Variants in ZFAND6 observed in about 807,000 individuals in gnomAD.
The protein encoded by ZFAND6 is AN1-type zinc finger protein 6.
Under a neutral mutation model 24.5 loss-of-function variants are expected in ZFAND6, and 12 were observed. The observed-to-expected ratio is 0.49, with a 90% confidence interval of 0.31 to 0.79. ZFAND6 has a LOEUF of 0.79. Ranked by LOEUF, ZFAND6 falls within the 30% of genes least tolerant of loss-of-function variation. The pLI is 0.04. For missense variants in ZFAND6, 207 were observed against 245.9 expected, an observed-to-expected ratio of 0.84 and a Z score of 1.06; for synonymous variants, 92 against 81.5, an observed-to-expected ratio of 1.13 and a Z score of -0.69.
chr15:80,070,100 A>G lies in ZFAND6; in HGVS notation c.-181+10291A>G, dbSNP rs141146094. Among the ~76,000 whole-genome samples, 98 of 152,300 alleles carry G rather than the reference A, an allele frequency of 6.4e-4. 2 individuals carry two copies. Among genetic ancestry groups the G allele is most frequent in the African/African-American group, 2.1e-3 (87 of 41,562 alleles). On this transcript the variant is annotated intron_variant, in intron 1 of 6. Transcript: ENST00000261749. ...AGTTTGAACTATATGGAATCCTTCA[A>G]AATTCTAAGAAAGTGTTTGCCCTGT...
intron 2 of ZFAND6, among the ~76,000 whole-genome samples, chr15:80,103,401 T>C (rs2039139068): frequency 6.6e-6 from 1 of 152,274 alleles, no homozygotes; most frequent in South Asian, 2.1e-4. Flanking sequence ...TTGGAGAATT[T>C]GGTGGGATTA....
intron 2 of ZFAND6, among the ~76,000 whole-genome samples, chr15:80,109,002 A>G (rs1027167093): frequency 2.1e-4 from 32 of 152,190 alleles, no homozygotes; most frequent in African/African-American, 6.3e-4. Flanking sequence ...TGCTGGGATT[A>G]CAGGTGTGAG....
At chr15:80,107,908 C>G (rs2039420810) in intron 2 of ZFAND6, among the ~76,000 whole-genome samples, 1 of 151,968 alleles carries the variant, frequency 6.6e-6, no homozygotes, top group Non-Finnish European at 1.5e-5. Context: ...CTGAAAGGAT[C>G]TCAAGAATCC....
chr15:80,062,060 C>G (rs2036364805), intron 1 of ZFAND6, among the ~76,000 whole-genome samples: 1 of 152,096 alleles, frequency 6.6e-6, no homozygotes, highest in African/African-American at 2.4e-5. Flanking sequence ...TTGGTATCTC[C>G]TTTTCAATGC....
At chr15:80,091,360 A>T (rs1596241833) in intron 1 of ZFAND6, among the ~76,000 whole-genome samples, 1 of 151,786 alleles carries the variant, frequency 6.6e-6, no homozygotes, top group East Asian at 1.9e-4. Context: ...ATGTGATTAA[A>T]CTCCAAGCCA....
At chr15:80,061,188 T>C (rs1411606337) in intron 1 of ZFAND6, among the ~76,000 whole-genome samples, 1 of 152,188 alleles carries the variant, frequency 6.6e-6, no homozygotes, top group Non-Finnish European at 1.5e-5. Context: ...TTTTTACGTT[T>C]TAAAATGTGT....
chr15:80,126,490 T>A (rs990989608), intron 5 of ZFAND6, among the ~76,000 whole-genome samples: 3 of 152,240 alleles, frequency 2.0e-5, no homozygotes, highest in Non-Finnish European at 4.4e-5. Context: ...ACTCTTATTA[T>A]ATTTATGGGC....
In ZFAND6 at chr15:80,069,866, G is replaced by A. The variant is rs552879383; in HGVS notation, c.-181+10057G>A. Among the ~76,000 whole-genome samples, 14 of 152,030 alleles carry A rather than the reference G, an allele frequency of 9.2e-5. No homozygotes were observed. In the East Asian group the frequency reaches 1.2e-3, roughly 13 times the overall value. On this transcript the variant is annotated intron_variant, in intron 1 of 6. Coordinates refer to ENST00000261749, the MANE Select transcript of ZFAND6 (RefSeq NM_019006.4). ...TTGTGATCCACCTGCCTCTGCCTCC[G>A]AAAGTGCTGGGATTTACAGGCGTGA...
intron 2 of ZFAND6, among the ~76,000 whole-genome samples, chr15:80,101,242 CA>C (rs2039012490): frequency 6.6e-6 from 1 of 152,140 alleles, no homozygotes; most frequent in Non-Finnish European, 1.5e-5. Flanking sequence ...GCGGATGGAT[CA>C]CAAGGTCAGG....
chr15:80,077,061 T>C (rs1040141302), intron 1 of ZFAND6, among the ~76,000 whole-genome samples: 4 of 152,228 alleles, frequency 2.6e-5, no homozygotes, highest in African/African-American at 9.6e-5. Flanking sequence ...TTCATAGCTG[T>C]TGAATTCCTC....
At chr15:80,079,373 A>G (rs2141848442) in intron 1 of ZFAND6, among the ~76,000 whole-genome samples, 1 of 151,686 alleles carries the variant, frequency 6.6e-6, no homozygotes, top group African/African-American at 2.4e-5. Context: ...GGCACCCGCC[A>G]CCACGCTTGG....
chr15:80,108,587 G>A (rs1304633712), intron 2 of ZFAND6, among the ~76,000 whole-genome samples: 2 of 152,154 alleles, frequency 1.3e-5, no homozygotes, highest in African/African-American at 2.4e-5. Context: ...TTGAGAATAT[G>A]AAATTCACTG....
At chr15:80,068,027 TCTCGGCTCACTGCAAC>T (rs1567048428) in intron 1 of ZFAND6, among the ~76,000 whole-genome samples, 1 of 152,014 alleles carries the variant, frequency 6.6e-6, no homozygotes, top group East Asian at 1.9e-4. Context: ...AGTGGCACAA[TCTCGGCTCACTGCAAC>T]CTCTGCCTCC....
intron 2 of ZFAND6, among the ~76,000 whole-genome samples, chr15:80,105,288 A>AT (rs1218007954): frequency 6.6e-6 from 1 of 152,200 alleles, no homozygotes; most frequent in African/African-American, 2.4e-5. Flanking sequence ...CACACTTTTA[A>AT]TAAAAAACGG....
At chr15:80,109,362 T>A (rs2039494131) in intron 2 of ZFAND6, among the ~76,000 whole-genome samples, 1 of 152,056 alleles carries the variant, frequency 6.6e-6, no homozygotes, top group African/African-American at 2.4e-5. Flanking sequence ...GATAAGGACG[T>A]TGAAGAAAAA....
At chr15:80,117,317 G>T (rs1405668623) in intron 2 of ZFAND6, among the ~76,000 whole-genome samples, 1 of 152,208 alleles carries the variant, frequency 6.6e-6, no homozygotes, top group African/African-American at 2.4e-5. Flanking sequence ...CCGCCCCCTG[G>T]CTTCATGCCA....
chr15:80,071,367 G>C (rs945307108), intron 1 of ZFAND6, among the ~76,000 whole-genome samples: 2 of 152,026 alleles, frequency 1.3e-5, no homozygotes, highest in East Asian at 3.8e-4. Context: ...CTTTAATTTC[G>C]AGTTTATGAA....
chr15:80,066,207 G>C (rs1227316658), intron 1 of ZFAND6, among the ~76,000 whole-genome samples: 1 of 151,916 alleles, frequency 6.6e-6, no homozygotes. Context: ...AATAATAGAA[G>C]GTGCTAATTG....
rs1428685629 is a variant in ZFAND6, at chr15:80,079,979, G to T, written c.-180-18437G>T. Among the ~76,000 whole-genome samples, 12 of 150,552 alleles carry T rather than the reference G, an allele frequency of 8.0e-5. No homozygotes were observed. The South Asian group carries it at 2.5e-3, about 32-fold the overall frequency. On this transcript the variant is annotated intron_variant, in intron 1 of 6. Coordinates refer to ENST00000261749, the MANE Select transcript of ZFAND6 (RefSeq NM_019006.4). ...GCTTTGAGAAACAGAATACACAACC[G>T]TTTTTCTGTTTTTTTTCCCTTTCTT... is the stretch of plus-strand genomic sequence containing the variant.
Sources: allele counts gnomAD v4.1 joint callset (sites outside exome capture counted in the v4.1 genomes callset), GRCh38; gene constraint gnomAD v4.1.1; transcripts MANE v1.5; gene names NCBI Gene and HGNC (gene_info 2026-07-23, HGNC 2026-07-21).